Variants in PDE1C observed in about 807,000 individuals in gnomAD.
The protein encoded by PDE1C is dual specificity calcium/calmodulin-dependent 3',5'-cyclic nucleotide phosphodiesterase 1C.
A neutral mutation model predicts 93.1 loss-of-function variants in PDE1C; 62 were observed. The observed-to-expected ratio is 0.67, with a 90% CI of 0.54 to 0.82. The LOEUF (loss-of-function observed/expected upper bound fraction) is 0.82. Ranked by LOEUF, PDE1C falls within the 40% of genes least tolerant of loss-of-function variation. PDE1C has a pLI of 0.00. For missense variants in PDE1C, 742 were observed against 884.6 expected (o/e 0.84, Z 2.04); for synonymous variants, 325 against 310.1 (o/e 1.05, Z -0.50).
chr7:31,627,136 A>G, the PDE1C span, among the ~76,000 whole-genome samples: 2 of 152,200 alleles, frequency 1.3e-5, no homozygotes, highest in African/African-American at 4.8e-5. Flanking sequence ...TGTCCACTGG[A>G]GAAGCTCCTC....
At chr7:31,825,799 C>CA (rs1193025356) in intron 12 of PDE1C, among the ~76,000 whole-genome samples, 2 of 152,006 alleles carry the variant, frequency 1.3e-5, no homozygotes, top group African/African-American at 4.8e-5. Context: ...TGGGATCTGC[C>CA]AAAGACACTC....
Position 31,789,550 on chromosome 7 carries a change from C to T in PDE1C, c.1892-13818G>A, listed in dbSNP as rs1028035923. 6 of 621,084 alleles carry T rather than the reference C, an allele frequency of 9.7e-6. No homozygotes were observed. In the African/African-American group the frequency reaches 1.2e-4, roughly 12 times the overall value. The allele number at this position is 621,084 out of a possible 1,614,324, so 38.5% of individuals were successfully genotyped here. A position where few individuals can be genotyped will look rare whatever the true frequency, so the allele number is the denominator to read the frequency against. On this transcript the variant is annotated intron_variant, in intron 16 of 17. Coordinates refer to ENST00000396191, the MANE Select transcript of PDE1C (RefSeq NM_001191057.4). ...CACCAGCTGAACATTCAGGTTTATA[C>T]TAATGAATGCACAGAGAAAATAAAT...
At chr7:31,807,908 T>C (rs1331462771) in intron 16 of PDE1C, among the ~76,000 whole-genome samples, 1 of 151,636 alleles carries the variant, frequency 6.6e-6, no homozygotes, top group African/African-American at 2.4e-5. Flanking sequence ...GTAAGTGATT[T>C]CCATTTGCAT....
chr7:32,317,374 G>A (rs1562670948), intron 1 of PDE1C, among the ~76,000 whole-genome samples: 1 of 152,098 alleles, frequency 6.6e-6, no homozygotes, highest in South Asian at 2.1e-4. Flanking sequence ...CCCAGCCCCA[G>A]TAAAGTGGAT....
At chr7:32,374,287 GAAAGAAAGAAAGAAAGAAAGAA>G (rs1784394033) in intron 1 of PDE1C, among the ~76,000 whole-genome samples, 2 of 148,942 alleles carry the variant, frequency 1.3e-5, no homozygotes, top group African/African-American at 5.1e-5. Context: ...AAGAAAGAAA[GAAAGAAAGAAAGAAAGAAAGAA>G]GAAAAGAAAA....
At chr7:31,834,469 G>C (rs1790810468) in intron 11 of PDE1C, among the ~76,000 whole-genome samples, 1 of 152,178 alleles carries the variant, frequency 6.6e-6, no homozygotes, top group South Asian at 2.1e-4. Context: ...CAGGGACAGA[G>C]CTGCCCAAGA....
chr7:31,680,504 G>T, the PDE1C span, among the ~76,000 whole-genome samples: 18 of 152,148 alleles, frequency 1.2e-4, no homozygotes, highest in Non-Finnish European at 2.5e-4. Context: ...AAGGGACCTT[G>T]GTCTCTGAAA....
At position 32,262,005 on chromosome 7, in the gene PDE1C, A is replaced by ATT. The variant is rs11325736; in HGVS notation, c.85+36644_85+36645dup. 5.9e-3 allele frequency among the ~76,000 whole-genome samples: 531 copies of ATT among 89,732 alleles called. 17 individuals carry two copies. The highest frequency in any genetic ancestry group is 0.017 in the African/African-American group (413 of 24,110). The allele number at this position is 89,732 out of a possible 152,430, so 58.9% of individuals were successfully genotyped here. A position where few individuals can be genotyped will look rare whatever the true frequency, so the allele number is the denominator to read the frequency against. ...GGCTCACACCAGGGGTTGCTTTGGG[A>ATT]TTTTTTTTTTTTTTTTTTTTTTTTT... On this transcript the variant is annotated intron_variant, in intron 1 of 18. Coordinates refer to the PDE1C transcript ENST00000396193.
chr7:32,004,750 A>G (rs531688233), intron 2 of PDE1C, among the ~76,000 whole-genome samples: 1 of 152,318 alleles, frequency 6.6e-6, no homozygotes, highest in African/African-American at 2.4e-5. Context: ...TTGTTAATAA[A>G]TTGTGCTTTT....
downstream of PDE1C, among the ~76,000 whole-genome samples, chr7:31,750,870 A>C (rs1794111165): frequency 6.6e-6 from 1 of 152,182 alleles, no homozygotes; most frequent in African/African-American, 2.4e-5. Context: ...TAGCTGCGCA[A>C]AGTCCCAATT....
chr7:32,128,919 A>C (rs1799747784), intron 3 of PDE1C, among the ~76,000 whole-genome samples: 1 of 60,612 alleles, frequency 1.6e-5, no homozygotes, highest in African/African-American at 7.2e-5. Context: ...ATATATATAT[A>C]TATATATATA....
rs187260691 is a variant in PDE1C, at chr7:31,755,056, C to T, written c.1961-1503G>A. On this transcript the variant is annotated intron_variant, in intron 17 of 17. Coordinates refer to ENST00000396191, the MANE Select transcript of PDE1C (RefSeq NM_001191057.4). ...GAACAGAATCTGCAAGACTAAAGGC[C>T]GAAGAAGCTGTACACAAGCACTCTA... 1.6e-3 allele frequency among the ~76,000 whole-genome samples: 238 copies of T among 152,178 alleles called. 2 individuals carry two copies. The highest frequency in any genetic ancestry group is 2.5e-3 in the Non-Finnish European group (170 of 68,012).
chr7:31,795,055 G>A (rs1785112589), intron 16 of PDE1C, among the ~76,000 whole-genome samples: 1 of 151,932 alleles, frequency 6.6e-6, no homozygotes, highest in Non-Finnish European at 1.5e-5. Context: ...TGTAGACATG[G>A]TCACTTGGAG....
At chr7:32,306,165 C>T (rs1027540364) in intron 1 of PDE1C, among the ~76,000 whole-genome samples, 1 of 152,170 alleles carries the variant, frequency 6.6e-6, no homozygotes, top group African/African-American at 2.4e-5. Flanking sequence ...GCCTCCCCAG[C>T]CATGTGGAAA....
chr7:32,014,119 T>C (rs1429846818), intron 2 of PDE1C, among the ~76,000 whole-genome samples: 1 of 152,184 alleles, frequency 6.6e-6, no homozygotes, highest in Non-Finnish European at 1.5e-5. Flanking sequence ...CTTCACAATA[T>C]GTAGCTGAAA....
intron 2 of PDE1C, among the ~76,000 whole-genome samples, chr7:31,891,726 AC>A (rs1583819330): frequency 6.6e-6 from 1 of 151,902 alleles, no homozygotes; most frequent in Non-Finnish European, 1.5e-5. Flanking sequence ...CTACTGGTGA[AC>A]TATTCTATAC....
intron 1 of PDE1C, among the ~76,000 whole-genome samples, chr7:32,265,902 C>G (rs1158328377): frequency 6.7e-6 from 1 of 148,830 alleles, no homozygotes; most frequent in Non-Finnish European, 1.5e-5. Context: ...GTGGGAACAT[C>G]TGGAAGACCT....
intron 2 of PDE1C, among the ~76,000 whole-genome samples, chr7:32,183,854 G>A (rs1222471379): frequency 6.6e-6 from 1 of 152,112 alleles, no homozygotes; most frequent in Non-Finnish European, 1.5e-5. Flanking sequence ...TACCATCAGA[G>A]TGAACAGGCA....
intron 2 of PDE1C, among the ~76,000 whole-genome samples, chr7:32,001,197 T>C (rs1213081044): frequency 6.6e-6 from 1 of 152,248 alleles, no homozygotes; most frequent in Admixed American, 6.5e-5. Context: ...AGAATAGGAC[T>C]GAGAAATCTA....
Sources: allele counts gnomAD v4.1 joint callset (sites outside exome capture counted in the v4.1 genomes callset), GRCh38; gene constraint gnomAD v4.1.1; transcripts MANE v1.5; gene names NCBI Gene and HGNC (gene_info 2026-07-23, HGNC 2026-07-21).